LYN: variants seen among roughly 807,000 people sequenced by gnomAD.
LYN encodes LYN proto-oncogene, Src family tyrosine kinase.
A neutral mutation model predicts 65.0 loss-of-function variants in LYN; 12 were observed. That is an observed-to-expected ratio of 0.18 (90% CI 0.12 to 0.30). LYN has a LOEUF of 0.30. Among genes scored for constraint, LYN ranks in the 10% least tolerant of loss-of-function variants. LYN has a pLI of 1.00. For missense variants in LYN, 380 were observed against 623.2 expected, an observed-to-expected ratio of 0.61 and a Z score of 4.16; for synonymous variants, 222 against 221.2, an observed-to-expected ratio of 1.00 and a Z score of -0.03.
intron 1 of LYN, among the ~76,000 whole-genome samples, chr8:55,894,443 C>T (rs1202207326): frequency 6.6e-6 from 1 of 151,494 alleles, no homozygotes; most frequent in Non-Finnish European, 1.5e-5. Flanking sequence ...AATCTTGGCT[C>T]ACTGCAGCCT....
intron 1 of LYN, among the ~76,000 whole-genome samples, chr8:55,889,687 A>C (rs1804897303): frequency 6.6e-6 from 1 of 152,198 alleles, no homozygotes; most frequent in African/African-American, 2.4e-5. Flanking sequence ...CGACTTGCTC[A>C]GGAGATCCCT....
At chr8:55,997,245 T>C (rs1469853061) in intron 10 of LYN, among the ~76,000 whole-genome samples, 3 of 152,034 alleles carry the variant, frequency 2.0e-5, no homozygotes, top group Non-Finnish European at 2.9e-5. Context: ...CCATGGGCTG[T>C]TGATTAACCT....
chr8:55,989,969 T>G (rs2130568329), intron 10 of LYN, among the ~76,000 whole-genome samples: 1 of 152,230 alleles, frequency 6.6e-6, no homozygotes, highest in East Asian at 1.9e-4. Flanking sequence ...CCAGGCACAG[T>G]GACTCATGCC....
At chr8:55,990,026 G>A (rs1198429042) in intron 10 of LYN, among the ~76,000 whole-genome samples, 3 of 152,020 alleles carry the variant, frequency 2.0e-5, no homozygotes, top group African/African-American at 7.2e-5. Context: ...ATCACCTGAG[G>A]TCAGGAGTTT....
At chr8:55,945,462 T>C (rs1311097273) in intron 2 of LYN, among the ~76,000 whole-genome samples, 1 of 152,238 alleles carries the variant, frequency 6.6e-6, no homozygotes, top group Non-Finnish European at 1.5e-5. Context: ...GTAGTAATTT[T>C]CCCTGTCTCA....
intron 1 of LYN, among the ~76,000 whole-genome samples, chr8:55,911,552 T>C (rs111239271): frequency 4.5e-4 from 68 of 151,822 alleles, no homozygotes; most frequent in African/African-American, 1.6e-3. Flanking sequence ...GGGCAGCAGG[T>C]GGAAATGTAC....
At chr8:55,930,022 G>A (rs1806214002) in intron 1 of LYN, among the ~76,000 whole-genome samples, 1 of 152,142 alleles carries the variant, frequency 6.6e-6, no homozygotes, top group Admixed American at 6.6e-5. Flanking sequence ...ATTCTCATAG[G>A]GGCGTGAACC....
chr8:55,993,132 A>G (rs993121318), intron 10 of LYN, among the ~76,000 whole-genome samples: 6 of 152,122 alleles, frequency 3.9e-5, no homozygotes, highest in African/African-American at 1.2e-4. Context: ...CTCATGTTTA[A>G]TTTCTCCTGT....
At chr8:55,996,977 A>G (rs1213993701) in intron 10 of LYN, among the ~76,000 whole-genome samples, 2 of 152,014 alleles carry the variant, frequency 1.3e-5, no homozygotes, top group African/African-American at 4.8e-5. Flanking sequence ...AAAAACTAGC[A>G]TGGTGAAACC....
chr8:55,938,252 T>C (rs1029971009), intron 1 of LYN, among the ~76,000 whole-genome samples: 1 of 152,260 alleles, frequency 6.6e-6, no homozygotes, highest in African/African-American at 2.4e-5. Context: ...TAGACCATAT[T>C]GTAAAACTTT....
At chr8:55,953,688 T>G (rs1459290409) in intron 7 of LYN, 144 bp from the exon 8 acceptor site, 1 of 591,364 alleles carries the variant, frequency 1.7e-6, no homozygotes, top group African/African-American at 1.9e-5. Context: ...ATTTCAAAAG[T>G]CACAATTATG....
chr8:55,962,714 A>G (rs770928751), intron 8 of LYN, among the ~76,000 whole-genome samples: 1 of 152,252 alleles, frequency 6.6e-6, no homozygotes, highest in Non-Finnish European at 1.5e-5. Flanking sequence ...TACTGATGAA[A>G]TTGGAGTTCA....
chr8:55,931,131 A>G (rs1806258066), intron 1 of LYN, among the ~76,000 whole-genome samples: 1 of 147,596 alleles, frequency 6.8e-6, no homozygotes, highest in Non-Finnish European at 1.5e-5. Context: ...TACTTTTTAT[A>G]TATAATAAAA....
chr8:55,967,329 T>G (rs1807489418), intron 9 of LYN, among the ~76,000 whole-genome samples: 1 of 101,286 alleles, frequency 9.9e-6, no homozygotes, highest in Non-Finnish European at 2.4e-5. Flanking sequence ...TTTTTTTTTT[T>G]TTGGAAACAG....
intron 1 of LYN, among the ~76,000 whole-genome samples, chr8:55,930,944 C>T (rs971918160): frequency 3.3e-5 from 5 of 152,102 alleles, no homozygotes; most frequent in African/African-American, 1.2e-4. Context: ...AGCCCCCATG[C>T]ATGGCTACTC....
At chr8:55,960,458 C>T (rs1807241183) in intron 8 of LYN, among the ~76,000 whole-genome samples, 1 of 152,080 alleles carries the variant, frequency 6.6e-6, no homozygotes, top group South Asian at 2.1e-4. Flanking sequence ...ACTGAGTTTG[C>T]CTGTCAGTCA....
At chr8:55,946,039 C>T (rs941187218) in intron 2 of LYN, among the ~76,000 whole-genome samples, 2 of 152,222 alleles carry the variant, frequency 1.3e-5, no homozygotes, top group Non-Finnish European at 2.9e-5. Flanking sequence ...GGGGAGCTGA[C>T]AGCAAAGCCC....
intron 1 of LYN, among the ~76,000 whole-genome samples, chr8:55,931,655 TTAAA>T (rs1358354507): frequency 6.6e-6 from 1 of 152,070 alleles, no homozygotes; most frequent in East Asian, 1.9e-4. Context: ...ATTTTTTCAC[TTAAA>T]TATATTGTGA....
In LYN at chr8:56,010,534, C is replaced by T. The variant is rs1422743985; in HGVS notation, c.*424C>T. 1 of 229,062 alleles carries T rather than the reference C, an allele frequency of 4.4e-6. No individual in the cohort carries two copies. Among genetic ancestry groups the T allele is most frequent in the African/African-American group, 2.2e-5 (1 of 44,514 alleles). The allele number at this position is 229,062 out of a possible 1,614,324, so 14.2% of individuals were successfully genotyped here. A position where few individuals can be genotyped will look rare whatever the true frequency, so the allele number is the denominator to read the frequency against. On this transcript the variant is annotated 3_prime_UTR_variant, in exon 13 of 13. Transcript: ENST00000519728. ...TAAAGCTAAAATAACCGGATATATA[C>T]ATAGCATGACATTTCTTTGTGCTTT... is the stretch of plus-strand genomic sequence containing the variant.
Sources: gnomAD v4.1 joint callset for allele counts (sites outside exome capture counted in the v4.1 genomes callset) on GRCh38, gnomAD v4.1.1 for gene constraint, MANE v1.5 for transcripts, NCBI Gene and HGNC (gene_info 2026-07-23, HGNC 2026-07-21) for gene names.